Variants in PRKG1 observed in about 807,000 individuals in gnomAD.
The protein encoded by PRKG1 is cGMP-dependent protein kinase 1.
PRKG1 carries 35 observed loss-of-function variants against 88.1 expected under a neutral mutation model. The ratio of observed to expected loss-of-function variants is 0.40; its 90% CI spans 0.30 to 0.53. PRKG1 has a LOEUF of 0.53. Ranked by LOEUF, PRKG1 falls within the 20% of genes least tolerant of loss-of-function variation. The probability of loss-of-function intolerance (pLI) is 0.59; values close to 1 mark genes in which losing one functional copy is unlikely to be tolerated. For synonymous variants in PRKG1, 303 were observed against 292.5 expected, an observed-to-expected ratio of 1.04 and a Z score of -0.37; for missense variants, 540 against 839.8, an observed-to-expected ratio of 0.64 and a Z score of 4.41.
intron 3 of PRKG1, among the ~76,000 whole-genome samples, chr10:51,688,064 G>C (rs1422542924): frequency 6.6e-6 from 1 of 152,090 alleles, no homozygotes; most frequent in Non-Finnish European, 1.5e-5. Context: ...AAGCCATGTA[G>C]GTAAATTAAA....
chr10:51,841,420 A>T (rs1238717465), intron 4 of PRKG1, among the ~76,000 whole-genome samples: 2 of 152,234 alleles, frequency 1.3e-5, no homozygotes, highest in Admixed American at 1.3e-4. Context: ...CTAAGCATGA[A>T]GTGATACAAG....
intron 1 of PRKG1, among the ~76,000 whole-genome samples, chr10:51,048,542 C>T (rs754053146): frequency 2.0e-5 from 3 of 152,254 alleles, no homozygotes; most frequent in Non-Finnish European, 4.4e-5. Context: ...ATTTGAGCTT[C>T]AAATCAATGG....
At chr10:51,366,780 T>A (rs1842599040) in intron 2 of PRKG1, among the ~76,000 whole-genome samples, 1 of 152,122 alleles carries the variant, frequency 6.6e-6, no homozygotes, top group Admixed American at 6.6e-5. Context: ...TCAAAATTTC[T>A]TCATTTTTTT....
At chr10:51,640,778 T>A (rs1399010034) in intron 3 of PRKG1, among the ~76,000 whole-genome samples, 1 of 152,216 alleles carries the variant, frequency 6.6e-6, no homozygotes, top group Non-Finnish European at 1.5e-5. Flanking sequence ...GCTTTTAAAC[T>A]AGCAAAGTTC....
At chr10:51,281,924 T>C (rs973746389) in intron 2 of PRKG1, among the ~76,000 whole-genome samples, 1 of 152,188 alleles carries the variant, frequency 6.6e-6, no homozygotes, top group Non-Finnish European at 1.5e-5. Context: ...CCTGAGCCCA[T>C]CTCAGACTAA....
At chr10:51,504,078 C>T (rs1039457720) in intron 3 of PRKG1, among the ~76,000 whole-genome samples, 3 of 152,056 alleles carry the variant, frequency 2.0e-5, no homozygotes, top group Non-Finnish European at 2.9e-5. Context: ...TCTTATAAAG[C>T]GGAGCCCTGT....
intron 7 of PRKG1, among the ~76,000 whole-genome samples, chr10:52,087,180 C>T (rs543130450): frequency 1.3e-5 from 2 of 152,104 alleles, no homozygotes; most frequent in Admixed American, 6.5e-5. Flanking sequence ...GGATTTGTTC[C>T]GTAAAGCCTT....
At chr10:51,503,609 T>A (rs553477248) in intron 3 of PRKG1, among the ~76,000 whole-genome samples, 2 of 152,310 alleles carry the variant, frequency 1.3e-5, no homozygotes, top group South Asian at 4.1e-4. Context: ...TCTGGGCCTT[T>A]GCCTACATGT....
intron 1 of PRKG1, among the ~76,000 whole-genome samples, chr10:51,051,659 G>A (rs944221952): frequency 4.6e-5 from 7 of 152,012 alleles, no homozygotes; most frequent in Non-Finnish European, 7.4e-5. Context: ...TAAAAATATT[G>A]TTCATGGTTT....
intron 3 of PRKG1, among the ~76,000 whole-genome samples, chr10:51,541,054 A>G (rs1257007071): frequency 6.6e-6 from 1 of 152,166 alleles, no homozygotes; most frequent in Non-Finnish European, 1.5e-5. Flanking sequence ...TTTATGTTAA[A>G]GCAGCAGTCC....
intron 1 of PRKG1, among the ~76,000 whole-genome samples, chr10:51,037,221 G>T (rs1452914006): frequency 1.3e-5 from 2 of 152,122 alleles, no homozygotes; most frequent in African/African-American, 4.8e-5. Context: ...GCCGAGGCAG[G>T]AGGATTGTTT....
At chr10:52,015,859 G>T (rs1198753889) in intron 5 of PRKG1, among the ~76,000 whole-genome samples, 1 of 152,210 alleles carries the variant, frequency 6.6e-6, no homozygotes, top group East Asian at 1.9e-4. Context: ...GGGGCGAAAT[G>T]CTGCCAGTGT....
At chr10:51,113,206 G>A in intron 1 of PRKG1, among the ~76,000 whole-genome samples, 1 of 152,226 alleles carries the variant, frequency 6.6e-6, no homozygotes, top group East Asian at 1.9e-4. Flanking sequence ...TCACTAGTGA[G>A]TGAGGTTCAG....
Position 51,002,459 on chromosome 10 carries a change from T to A in PRKG1, c.266+10815T>A, listed in dbSNP as rs1842899525. On this transcript the variant is annotated intron_variant, in intron 1 of 17. Coordinates refer to the PRKG1 transcript ENST00000401604. ...TTTATTTACATGTATCTAAATATTT[T>A]TAAGAGAATAGCAAAGTGTTTTATG... Among the ~76,000 whole-genome samples, 9 of 152,310 alleles carry A rather than the reference T, an allele frequency of 5.9e-5. No homozygotes were observed. The South Asian group carries it at 1.9e-3, about 32-fold the overall frequency.
intron 2 of PRKG1, among the ~76,000 whole-genome samples, chr10:51,276,881 A>G (rs2132190312): frequency 6.6e-6 from 1 of 152,304 alleles, no homozygotes; most frequent in African/African-American, 2.4e-5. Context: ...AGATGAGCAG[A>G]TCACAAAAAT....
Position 50,991,668 on chromosome 10 carries a change from G to A in PRKG1, c.266+24G>A, listed in dbSNP as rs751419411. 5 of 1,455,672 alleles carry A rather than the reference G, an allele frequency of 3.4e-6. No homozygotes were observed. Among genetic ancestry groups the A allele is most frequent in the South Asian group, 2.7e-5 (2 of 74,928 alleles). 90.2% of individuals were successfully genotyped at this position (1,455,672 alleles called of 1,614,324 possible). A position where few individuals can be genotyped will look rare whatever the true frequency, so the allele number is the denominator to read the frequency against. On this transcript the variant is annotated intron_variant, in intron 1 of 17. Transcript: ENST00000401604. The surrounding 1 kb of genome is among the most constrained non-coding windows in gnomAD (Gnocchi z 4.5). The stretch of plus-strand genomic sequence containing the variant: ...AGGTAGGCGCGGAGGCCGTGGGCCC[G>A]GGCGCTCGTCCCGGCCCGCGGCGCA...
rs552995784 is a variant in PRKG1, at chr10:51,246,553, C to T, written c.478+93223C>T. Among the ~76,000 whole-genome samples, 38 of 151,360 alleles carry T rather than the reference C, an allele frequency of 2.5e-4. 2 individuals carry two copies. The South Asian group carries it at 2.9e-3, about 12-fold the overall frequency. ...TGGCCAGGTAAGCCCAAAATGTTTA[C>T]TTTCCAGCCCTTTGCAGAATGTTTC... is the stretch of plus-strand genomic sequence containing the variant. On this transcript the variant is annotated intron_variant, in intron 2 of 17. Transcript: ENST00000373980.
intron 5 of PRKG1, among the ~76,000 whole-genome samples, chr10:51,912,841 G>T (rs1328468389): frequency 4.6e-5 from 7 of 151,550 alleles, no homozygotes; most frequent in African/African-American, 1.7e-4. Context: ...CTCCCCATGA[G>T]ATTATAGTAC....
chr10:51,619,266 C>G (rs953522874), intron 3 of PRKG1, among the ~76,000 whole-genome samples: 10 of 152,158 alleles, frequency 6.6e-5, no homozygotes, highest in African/African-American at 1.9e-4. Flanking sequence ...ATCAATGTCC[C>G]AAGTAAAGTA....
Sources: allele counts gnomAD v4.1 joint callset (sites outside exome capture counted in the v4.1 genomes callset), GRCh38; gene constraint gnomAD v4.1.1; non-coding constraint Gnocchi (gnomAD v3.1); transcripts MANE v1.5; gene names NCBI Gene and HGNC (gene_info 2026-07-23, HGNC 2026-07-21).